CYTH3: variants seen among roughly 807,000 people sequenced by gnomAD.
The protein encoded by CYTH3 is cytohesin 3.
In CYTH3, 23 loss-of-function variants were observed where a neutral mutation model predicts 55.1. The observed-to-expected ratio is 0.42, with a 90% CI of 0.30 to 0.59. CYTH3 has a LOEUF of 0.59. Ranked by LOEUF, CYTH3 falls within the 20% of genes least tolerant of loss-of-function variation. CYTH3 has a pLI of 0.20. For missense variants in CYTH3, 413 were observed against 524.8 expected (o/e 0.79, Z 2.08); for synonymous variants, 249 against 194.9 (o/e 1.28, Z -2.31).
At chr7:6,223,222 C>A (rs544111221) in intron 1 of CYTH3, among the ~76,000 whole-genome samples, 2 of 150,704 alleles carry the variant, frequency 1.3e-5, no homozygotes, top group African/African-American at 4.9e-5. Context: ...CGCCTCGGCC[C>A]GGCCGCCCCA....
intron 1 of CYTH3, among the ~76,000 whole-genome samples, chr7:6,231,371 A>G (rs573756396): frequency 1.3e-5 from 2 of 152,346 alleles, no homozygotes; most frequent in South Asian, 2.1e-4. Context: ...AGTGAGCACG[A>G]AGACTCCAAA....
chr7:6,165,692 G>C, intron 10 of CYTH3, 42 bp downstream of exon 10: 3 of 1,613,594 alleles, frequency 1.9e-6, no homozygotes, highest in Non-Finnish European at 2.5e-6. Context: ...GGGCAGCTCC[G>C]GGACTGCTGG....
In CYTH3 at chr7:6,170,516, C is replaced by T. The variant is rs767051629; in HGVS notation, c.823+19G>A. 10 of 1,611,124 alleles carry T rather than the reference C, an allele frequency of 6.2e-6. No homozygotes were observed. Among genetic ancestry groups the T allele is most frequent in the African/African-American group, 2.7e-5 (2 of 74,864 alleles). On this transcript the variant is annotated intron_variant, in intron 9 of 12. Transcript: ENST00000350796. This position sits in a 1 kb window ranked among gnomAD's most constrained non-coding sequence, Gnocchi z 7.8. ...GGGCAGAGGGGTCACGCCCGGGTCC[C>T]GCTGGGCCGGCGGCTCACCCAGCTT...
chr7:6,263,448 G>A (rs1478498145), intron 1 of CYTH3, among the ~76,000 whole-genome samples: 1 of 152,104 alleles, frequency 6.6e-6, no homozygotes, highest in Non-Finnish European at 1.5e-5. Flanking sequence ...GAGAAGACTA[G>A]GGAGCTCACC....
At position 6,171,422 on chromosome 7, in the gene CYTH3, G is replaced by A. The variant is rs1171061497; in HGVS notation, c.450-108C>T. 1.1e-5 allele frequency: 11 copies of A among 957,994 alleles called. No homozygotes were observed. Among genetic ancestry groups the A allele is most frequent in the Admixed American group, 4.2e-5 (2 of 48,088 alleles). The allele number at this position is 957,994 out of a possible 1,614,324, so 59.3% of individuals were successfully genotyped here. ...AAGGACGTTTTCCTCCCGAGCCTGG[G>A]GTACAGCTCTGGCAGGGGCTTGGGG... is the stretch of plus-strand genomic sequence containing the variant. On this transcript the variant is annotated intron_variant, in intron 6 of 12. Transcript: ENST00000350796. This position sits in a 1 kb window ranked among gnomAD's most constrained non-coding sequence, Gnocchi z 6.7.
At chr7:6,198,544 C>T (rs1407613226) in intron 1 of CYTH3, among the ~76,000 whole-genome samples, 9 of 152,196 alleles carry the variant, frequency 5.9e-5, no homozygotes, top group African/African-American at 1.9e-4. Context: ...AACAAACCAG[C>T]CTTCAATCAA....
At chr7:6,174,327 C>T (rs1256969236) in intron 5 of CYTH3, among the ~76,000 whole-genome samples, 1 of 151,080 alleles carries the variant, frequency 6.6e-6, no homozygotes, top group Non-Finnish European at 1.5e-5. Flanking sequence ...GTTGGTCAGG[C>T]TGGTCTCGAA....
rs1175289042 is a variant in CYTH3, at chr7:6,163,941, A to C, written c.*1003T>G. 6.6e-6 allele frequency: 1 copy of C among 152,240 alleles called. No individual in the cohort carries two copies. The highest frequency in any genetic ancestry group is 2.4e-5 in the African/African-American group (1 of 41,456). 9.4% of individuals were successfully genotyped at this position (152,240 alleles called of 1,614,324 possible). On this transcript the variant is annotated 3_prime_UTR_variant, in exon 13 of 13. Transcript: ENST00000350796. ...GAAACGCTGCCATGTGTGTGCATCTAAACAAAACATCAGCAGTTTCACGTG... is the reference window on the plus strand; with the variant it reads ...GAAACGCTGCCATGTGTGTGCATCTCAACAAAACATCAGCAGTTTCACGTG...
chr7:6,222,169 C>T (rs1784566926), intron 1 of CYTH3, among the ~76,000 whole-genome samples: 1 of 152,148 alleles, frequency 6.6e-6, no homozygotes, highest in African/African-American at 2.4e-5. Context: ...CCTTCACAGC[C>T]TCTGAGTGAG....
Position 6,254,053 on chromosome 7 carries a change from G to C in CYTH3, c.34+18421C>G, listed in dbSNP as rs1179366361. Among the ~76,000 whole-genome samples, 8 of 151,668 alleles carry C rather than the reference G, an allele frequency of 5.3e-5. No individual in the cohort carries two copies. In the East Asian group the frequency reaches 1.6e-3, roughly 29 times the overall value. On this transcript the variant is annotated intron_variant, in intron 1 of 12. Coordinates refer to ENST00000350796, the MANE Select transcript of CYTH3 (RefSeq NM_004227.4). ...GAAAGGAGGCCAGGTGCAGTGGCAG[G>C]CACCTATAATCCCAACTACTCAGGA...
At chr7:6,190,388 T>G in intron 2 of CYTH3, 61 bp downstream of exon 2, 1 of 1,225,766 alleles carries the variant, frequency 8.2e-7, no homozygotes, top group Non-Finnish European at 1.1e-6. Context: ...ACTCTTTTAC[T>G]ATTTTACTCA....
chr7:6,234,848 GC>G (rs758369751), intron 1 of CYTH3, among the ~76,000 whole-genome samples: 2 of 152,190 alleles, frequency 1.3e-5, no homozygotes, highest in African/African-American at 2.4e-5. Context: ...TAATAAGAGA[GC>G]TTGAGTAATT....
At position 6,170,390 on chromosome 7, in the gene CYTH3, G is replaced by A. The variant is rs969567753; in HGVS notation, c.823+145C>T. The A allele has an allele frequency of 4.1e-6, 3 of 734,432 alleles. No homozygotes were observed. The East Asian group carries it at 8.3e-5, about 20-fold the overall frequency. The allele number at this position is 734,432 out of a possible 1,614,324, so 45.5% of individuals were successfully genotyped here. The stretch of plus-strand genomic sequence containing the variant: ...GCAGCCGTGGCCATGCAGCTACCGA[G>A]AGCGGGCTCTGGCTTAACCGCGTTT... On this transcript the variant is annotated intron_variant, in intron 9 of 12. Transcript: ENST00000350796. This position sits in a 1 kb window ranked among gnomAD's most constrained non-coding sequence, Gnocchi z 7.8.
chr7:6,244,955 ATTTTTTTTTTTTTTTTTTTTT>A (rs887701278), intron 1 of CYTH3, among the ~76,000 whole-genome samples: 10 of 36,452 alleles, frequency 2.7e-4, no homozygotes, highest in East Asian at 6.6e-4. Flanking sequence ...CGCCCGGCTA[ATTTTTTTTTTTTTTTTTTTTT>A]TTTTTTTTTT....
intron 4 of CYTH3, among the ~76,000 whole-genome samples, chr7:6,179,445 T>C (rs1019513639): frequency 5.3e-4 from 81 of 152,180 alleles, no homozygotes; most frequent in African/African-American, 1.9e-3. Context: ...TTATAAAGAT[T>C]CTTCAAGCTG....
intron 1 of CYTH3, among the ~76,000 whole-genome samples, chr7:6,270,067 G>A (rs1780612738): frequency 6.6e-6 from 1 of 152,076 alleles, no homozygotes; most frequent in Admixed American, 6.6e-5. Flanking sequence ...CTTTAAAAGA[G>A]CTCAACTTTA....
Position 6,170,696 on chromosome 7 carries a change from C to A in CYTH3, c.712-50G>T. On this transcript the variant is annotated intron_variant, in intron 8 of 12. Transcript: ENST00000350796. This position sits in a 1 kb window ranked among gnomAD's most constrained non-coding sequence, Gnocchi z 7.8. ...AGTTCAGAGACTCGGAGGAAAATGG[C>A]TGGCCGGGCAGAAAGCTCAGCGGGA... 6.3e-7 allele frequency: 1 copy of A among 1,589,844 alleles called. No homozygotes were observed. The highest frequency in any genetic ancestry group is 8.6e-7 in the Non-Finnish European group (1 of 1,166,572).
rs568848315 is a variant in CYTH3, at chr7:6,243,614, T to C, written c.34+28860A>G. ...ACATTTGGTTTGGGTTTAGTGGAAT[T>C]TACTTAGGTGGCTTTCAGCTTCTTC... is the stretch of plus-strand genomic sequence containing the variant. On this transcript the variant is annotated intron_variant, in intron 1 of 12. Transcript: ENST00000350796. Among the ~76,000 whole-genome samples the C allele has an allele frequency of 4.6e-5, 7 of 152,320 alleles. No individual in the cohort carries two copies. The South Asian group carries it at 1.0e-3, about 23-fold the overall frequency.
At chr7:6,222,349 C>A (rs1455102995) in intron 1 of CYTH3, among the ~76,000 whole-genome samples, 1 of 152,098 alleles carries the variant, frequency 6.6e-6, no homozygotes, top group African/African-American at 2.4e-5. Flanking sequence ...GCCTCGTGTT[C>A]CCCCCCATAT....
Sources: allele counts gnomAD v4.1 joint callset (sites outside exome capture counted in the v4.1 genomes callset), GRCh38; gene constraint gnomAD v4.1.1; non-coding constraint Gnocchi (gnomAD v3.1); transcripts MANE v1.5; gene names NCBI Gene and HGNC (gene_info 2026-07-23, HGNC 2026-07-21).